The following GRIN2B variants were observed in gnomAD, a reference collection of about 807,000 sequenced individuals.
GRIN2B encodes the protein glutamate ionotropic receptor NMDA type subunit 2B, also known as glutamate receptor ionotropic, NMDA 2B.
In GRIN2B, 5 loss-of-function variants were observed where a neutral mutation model predicts 114.5. The observed-to-expected ratio is 0.04, with a 90% CI of 0.02 to 0.09. The LOEUF is 0.09. Ranked by LOEUF, GRIN2B falls within the 10% of genes least tolerant of loss-of-function variation. GRIN2B has a pLI of 1.00. For synonymous variants in GRIN2B, 787 were observed against 745.1 expected (o/e 1.06, Z -0.92); for missense variants, 1,108 against 1,943.5 (o/e 0.57, Z 8.08).
At chr12:13,673,975 A>C (rs1950046720) in intron 5 of GRIN2B, among the ~76,000 whole-genome samples, 2 of 152,100 alleles carry the variant, frequency 1.3e-5, no homozygotes, top group African/African-American at 4.8e-5. Flanking sequence ...CAGCAGTGAA[A>C]GCAGCTTGAT....
chr12:13,629,886 T>C (rs1205520703), intron 5 of GRIN2B, among the ~76,000 whole-genome samples: 1 of 152,226 alleles, frequency 6.6e-6, no homozygotes, highest in African/African-American at 2.4e-5. Context: ...CAGTAGCATC[T>C]ATGCCAAGAA....
chr12:13,727,811 A>T (rs2136600850), intron 4 of GRIN2B, among the ~76,000 whole-genome samples: 1 of 152,292 alleles, frequency 6.6e-6, no homozygotes, highest in African/African-American at 2.4e-5. Flanking sequence ...TACTTATGCA[A>T]ACCATGTTCC....
At chr12:13,940,665 A>G (rs772328568) in intron 2 of GRIN2B, among the ~76,000 whole-genome samples, 10 of 152,150 alleles carry the variant, frequency 6.6e-5, no homozygotes, top group Non-Finnish European at 1.3e-4. Flanking sequence ...GGGAAGCCCT[A>G]TGGCTGGAAA....
intron 3 of GRIN2B, among the ~76,000 whole-genome samples, chr12:13,766,758 T>G (rs1447516970): frequency 6.6e-6 from 1 of 152,224 alleles, no homozygotes; most frequent in Non-Finnish European, 1.5e-5. Flanking sequence ...AGATTTTTAT[T>G]CTTCAGAAAA....
At chr12:13,816,182 G>A (rs1864819814) in intron 3 of GRIN2B, among the ~76,000 whole-genome samples, 1 of 152,080 alleles carries the variant, frequency 6.6e-6, no homozygotes, top group Non-Finnish European at 1.5e-5. Context: ...AGAGATGACA[G>A]GTCTCTAAAG....
chr12:13,749,721 A>G (rs1453418645), intron 4 of GRIN2B, among the ~76,000 whole-genome samples: 1 of 152,146 alleles, frequency 6.6e-6, no homozygotes, highest in Non-Finnish European at 1.5e-5. Context: ...GCTTGAACTG[A>G]ATGTGCCTAA....
chr12:13,613,798 C>T (rs557157307), intron 8 of GRIN2B, among the ~76,000 whole-genome samples: 9 of 152,152 alleles, frequency 5.9e-5, no homozygotes, highest in South Asian at 2.1e-4. Context: ...AGTAGGTGCT[C>T]AATAAATGTT....
At chr12:13,791,785 A>G (rs963631130) in intron 3 of GRIN2B, among the ~76,000 whole-genome samples, 2 of 152,168 alleles carry the variant, frequency 1.3e-5, no homozygotes, top group African/African-American at 4.8e-5. Context: ...CACATTTAAT[A>G]TTTATCTCTT....
chr12:13,611,646 G>T, intron 9 of GRIN2B, 79 bp downstream of exon 9: 1 of 1,350,484 alleles, frequency 7.4e-7, no homozygotes, highest in Non-Finnish European at 1.1e-6. Context: ...GGAAAATGCA[G>T]ATAACAAATG....
At chr12:13,977,559 C>T (rs527719459) in intron 2 of GRIN2B, among the ~76,000 whole-genome samples, 66 of 152,274 alleles carry the variant, frequency 4.3e-4, no homozygotes, top group South Asian at 2.9e-3. Context: ...ATTAAATTTG[C>T]TCTTCCTCCC....
intron 3 of GRIN2B, among the ~76,000 whole-genome samples, chr12:13,787,194 A>G (rs184780866): frequency 8.5e-5 from 13 of 152,328 alleles, no homozygotes; most frequent in Admixed American, 6.5e-4. Flanking sequence ...TATTATTTGA[A>G]AAGCTGTCTT....
chr12:13,853,752 T>G (rs1865612064), intron 3 of GRIN2B, among the ~76,000 whole-genome samples: 1 of 152,258 alleles, frequency 6.6e-6, no homozygotes, highest in Admixed American at 6.5e-5. Context: ...GGAATGTATC[T>G]GCCAGTAACC....
intron 9 of GRIN2B, among the ~76,000 whole-genome samples, chr12:13,610,936 A>G (rs928539674): frequency 1.3e-5 from 2 of 152,190 alleles, no homozygotes; most frequent in Non-Finnish European, 2.9e-5. Flanking sequence ...TAATTCTAGG[A>G]TAGAGCTCAC....
intron 5 of GRIN2B, among the ~76,000 whole-genome samples, chr12:13,647,326 T>C (rs1245845050): frequency 2.0e-5 from 3 of 152,066 alleles, no homozygotes; most frequent in Admixed American, 6.6e-5. Flanking sequence ...TTTTGATAAT[T>C]TGAGTAAGTT....
intron 10 of GRIN2B, among the ~76,000 whole-genome samples, chr12:13,573,615 T>G (rs1948735188): frequency 8.0e-6 from 1 of 125,488 alleles, no homozygotes; most frequent in African/African-American, 3.1e-5. Flanking sequence ...TGTGCTGTGC[T>G]TTGGCATCGG....
intron 10 of GRIN2B, among the ~76,000 whole-genome samples, chr12:13,590,174 A>G (rs920753462): frequency 6.6e-6 from 1 of 152,030 alleles, no homozygotes; most frequent in Non-Finnish European, 1.5e-5. Flanking sequence ...CTTTGGCAAT[A>G]TATGCCATGC....
chr12:13,609,965 T>C (rs1338818992), intron 9 of GRIN2B: 2 of 152,224 alleles, frequency 1.3e-5, no homozygotes, highest in Non-Finnish European at 2.9e-5. Context: ...TATTTGCTGA[T>C]GGTAAAATCT....
intron 3 of GRIN2B, among the ~76,000 whole-genome samples, chr12:13,785,421 C>G (rs1291563780): frequency 6.6e-6 from 1 of 152,134 alleles, no homozygotes; most frequent in Non-Finnish European, 1.5e-5. Context: ...CATTTTTGCC[C>G]AAACACCCTT....
intron 2 of GRIN2B, among the ~76,000 whole-genome samples, chr12:13,881,515 T>G (rs1866072550): frequency 6.6e-6 from 1 of 152,228 alleles, no homozygotes; most frequent in Admixed American, 6.5e-5. Flanking sequence ...AAGAAAGGCC[T>G]GGTTTCACAC....
Sources: allele counts gnomAD v4.1 joint callset (sites outside exome capture counted in the v4.1 genomes callset), GRCh38; gene constraint gnomAD v4.1.1; transcripts MANE v1.5; gene names NCBI Gene and HGNC (gene_info 2026-07-23, HGNC 2026-07-21).